Variants in POMT1 observed in about 807,000 individuals in gnomAD.
The protein encoded by POMT1 is protein O-mannosyl-transferase 1.
POMT1 carries 85 observed loss-of-function variants against 101.6 expected under a neutral mutation model. That is an observed-to-expected ratio of 0.84 (90% CI 0.70 to 1.00). POMT1 has a LOEUF of 1.00. Among genes scored for constraint, POMT1 ranks in the 50% least tolerant of loss-of-function variants. POMT1 has a pLI of 0.00. For missense variants in POMT1, 857 were observed against 930.4 expected (o/e 0.92, Z 1.03); for synonymous variants, 371 against 383.0 (o/e 0.97, Z 0.37).
intron 10 of POMT1, 150 bp from the exon 11 acceptor site, chr9:131,511,887 CATAA>C: frequency 1.3e-6 from 1 of 749,186 alleles, no homozygotes; most frequent in Admixed American, 2.3e-5. Context: ...TTCTTTTTCT[CATAA>C]ATAGACACAG....
rs767419371 is a variant in POMT1 at position 131,510,429 on chromosome 9, G to A, written c.855+14G>A. ...GCCAGCTTAGAGGTAAGTAAGCAGT[G>A]GGCATCGTGGCCACTGGAGAAGGAA... On this transcript the variant is annotated intron_variant, in intron 9 of 19. Transcript: ENST00000402686. 2 of 1,612,384 alleles carry A rather than the reference G, an allele frequency of 1.2e-6. No individual in the cohort carries two copies. Among genetic ancestry groups the A allele is most frequent in the East Asian group, 2.2e-5 (1 of 44,894 alleles).
intron 10 of POMT1, 32 bp from the exon 11 acceptor site, chr9:131,512,009 C>T (rs2131681666): frequency 6.2e-7 from 1 of 1,613,344 alleles, no homozygotes; most frequent in East Asian, 2.2e-5. Context: ...CCGCGCCTGG[C>T]CCAGATACAT....
Position 131,523,422 on chromosome 9 carries a change from G to A in POMT1, c.*316G>A. Reference sequence around the variant, plus strand: ...CCGAGAACCCAGGGCCAGCAGTGGAGCCTCAGCAGACCAGGGCCTGGTCCT... The same window carrying A: ...CCGAGAACCCAGGGCCAGCAGTGGAACCTCAGCAGACCAGGGCCTGGTCCT... On this transcript the variant is annotated 3_prime_UTR_variant, in exon 20 of 20. Coordinates refer to ENST00000402686, the MANE Select transcript of POMT1 (RefSeq NM_001077365.2). 2.6e-6 allele frequency: 1 copy of A among 385,532 alleles called. No homozygotes were observed. Among genetic ancestry groups the A allele is most frequent in the Non-Finnish European group, 5.0e-6 (1 of 201,630 alleles). 23.9% of individuals were successfully genotyped at this position (385,532 alleles called of 1,614,324 possible).
At position 131,504,254 on chromosome 9, in the gene POMT1, G is replaced by C. The variant is rs201262353; in HGVS notation, c.36G>C (p.Thr12=). ...TTTTGAAGCGCCCTGTAGTGGTGAC[G>C]GCTGACATCAACTTGAGCCTTGTGG... ...WGFLKRPVVV[T]ADINLSLVAL... Residue 12 remains threonine, a synonymous_variant, in exon 2 of 20, where the codon ACG becomes ACC. Coordinates refer to ENST00000402686, the MANE Select transcript of POMT1 (RefSeq NM_001077365.2). The C allele has an allele frequency of 6.2e-7, 1 of 1,614,170 alleles. No homozygotes were observed. The highest frequency in any genetic ancestry group is 8.5e-7 in the Non-Finnish European group (1 of 1,180,024).
At chr9:131,521,858 C>T (rs896967438) in intron 18 of POMT1, among the ~76,000 whole-genome samples, 189 bp from the exon 19 acceptor site, 8 of 152,176 alleles carry the variant, frequency 5.3e-5, no homozygotes, top group African/African-American at 1.9e-4. Context: ...GCAGCCAGGC[C>T]GGGCGCGGTG....
chr9:131,516,303 C>T (rs904538859), intron 13 of POMT1, among the ~76,000 whole-genome samples: 3 of 151,378 alleles, frequency 2.0e-5, no homozygotes, highest in Non-Finnish European at 4.4e-5. Context: ...GGAACACTTC[C>T]TCACACGGAG....
At chr9:131,508,584 A>G (rs1298709027) in intron 5 of POMT1, among the ~76,000 whole-genome samples, 3 of 152,170 alleles carry the variant, frequency 2.0e-5, no homozygotes, top group African/African-American at 7.2e-5. Context: ...CTATAGTCCC[A>G]GCTACTCAGG....
At chr9:131,507,312 C>A in intron 4 of POMT1, 56 bp from the exon 5 acceptor site, 12 of 1,612,448 alleles carry the variant, frequency 7.4e-6, no homozygotes, top group Non-Finnish European at 1.0e-5. Flanking sequence ...AGCTGCAGTA[C>A]ACAGAGATGG....
At chr9:131,517,848 C>T (rs1949045047) in intron 13 of POMT1, among the ~76,000 whole-genome samples, 1 of 152,216 alleles carries the variant, frequency 6.6e-6, no homozygotes, top group Non-Finnish European at 1.5e-5. Flanking sequence ...CGGCATGGAC[C>T]GCGGCCAGGC....
At chr9:131,508,861 C>A in intron 5 of POMT1, 50 bp from the exon 6 acceptor site, 1 of 1,312,876 alleles carries the variant, frequency 7.6e-7, no homozygotes, top group South Asian at 1.2e-5. Flanking sequence ...CATCCTCATA[C>A]GTTTTCCCTT....
rs72770165 is a variant in POMT1 at position 131,508,773 on chromosome 9, T to C, written c.428-138T>C. On this transcript the variant is annotated intron_variant, in intron 5 of 19. Coordinates refer to ENST00000402686, the MANE Select transcript of POMT1 (RefSeq NM_001077365.2). The stretch of plus-strand genomic sequence containing the variant: ...ATGACTGTATGAGGCCTTGTGTCTA[T>C]AGAATGTTTTAACATTCACAACAGC... 0.11 allele frequency: 72,769 copies of C among 692,448 alleles called. 4,567 individuals carry two copies. Among genetic ancestry groups the C allele is most frequent in the Middle Eastern group, 0.16 (470 of 2,960 alleles). 42.9% of individuals were successfully genotyped at this position (692,448 alleles called of 1,614,324 possible). A position where few individuals can be genotyped will look rare whatever the true frequency, so the allele number is the denominator to read the frequency against.
At chr9:131,511,976 G>A in intron 10 of POMT1, 65 bp from the exon 11 acceptor site, 1 of 1,573,708 alleles carries the variant, frequency 6.4e-7, no homozygotes. Context: ...CTCCCAAAGT[G>A]CTCTGATTAC....
In POMT1 at chr9:131,519,762, A is replaced by C. The variant is rs996441761; in HGVS notation, c.1584+276A>C. On this transcript the variant is annotated intron_variant, in intron 16 of 19. Transcript: ENST00000402686. This position sits in a 1 kb window ranked among gnomAD's most constrained non-coding sequence, Gnocchi z 4.3. ...AGGCCCCCAGGCAGCGAAATGGGCCACACTCAACAGAGCCCAAGAGAAGTC... is the reference window on the plus strand; with the variant it reads ...AGGCCCCCAGGCAGCGAAATGGGCCCCACTCAACAGAGCCCAAGAGAAGTC... 5.3e-5 allele frequency among the ~76,000 whole-genome samples: 8 copies of C among 152,194 alleles called. No homozygotes were observed. The highest frequency in any genetic ancestry group is 8.8e-5 in the Non-Finnish European group (6 of 68,032).
At position 131,523,096 on chromosome 9, in the gene POMT1, G is replaced by A. The variant is rs144051476; in HGVS notation, c.2168G>A (p.Arg723Gln). ...AAAGACAGCTGGGACATCTTGATCCGAAAACACTAGAACAAGAGTGTGGCA... is the reference window on the plus strand; with the variant it reads ...AAAGACAGCTGGGACATCTTGATCCAAAAACACTAGAACAAGAGTGTGGCA... Reference protein sequence around the residue: ...RWKDSWDILIRKH With the variant: ...RWKDSWDILIQKH The change falls in exon 20 of 20, where the codon CGA (arginine) becomes CAA (glutamine). Residue 723 changes from arginine to glutamine, a missense_variant. By Grantham distance (43) the Arg-to-Gln change is conservative. Transcript: ENST00000402686. 495 of 1,610,764 alleles carry A rather than the reference G, an allele frequency of 3.1e-4. No homozygotes were observed. The African/African-American group carries it at 4.5e-3, about 15-fold the overall frequency.
chr9:131,523,623 G>A lies in POMT1; in HGVS notation c.*517G>A. The A allele has an allele frequency of 4.8e-6, 1 of 207,874 alleles. No homozygotes were observed. The highest frequency in any genetic ancestry group is 8.5e-5 in the South Asian group (1 of 11,706). The allele number at this position is 207,874 out of a possible 1,614,324, so 12.9% of individuals were successfully genotyped here. On this transcript the variant is annotated 3_prime_UTR_variant, in exon 20 of 20. Transcript: ENST00000402686. ...CCAGGGCTGGGGCTTGCATGTCATTGTCTATGACAGCGTCAAGACTGGCCC... is the reference window on the plus strand; with the variant it reads ...CCAGGGCTGGGGCTTGCATGTCATTATCTATGACAGCGTCAAGACTGGCCC...
intron 13 of POMT1, 124 bp downstream of exon 13, chr9:131,515,646 C>CGGA (rs1362203951): frequency 1.1e-6 from 1 of 875,198 alleles, no homozygotes; most frequent in East Asian, 2.6e-5. Context: ...CTTCATCACA[C>CGGA]GGAGCACTTC....
In POMT1 at chr9:131,522,021, G is replaced by A. The variant is rs778310398; in HGVS notation, c.1826-26G>A. ...CCCGGCCTGTGGGAGCAGCAGAGTC[G>A]GTGTAGCTCGAGCCCTTTCCTATAG... On this transcript the variant is annotated intron_variant, in intron 18 of 19. Coordinates refer to ENST00000402686, the MANE Select transcript of POMT1 (RefSeq NM_001077365.2). This position sits in a 1 kb window ranked among gnomAD's most constrained non-coding sequence, Gnocchi z 5.5. 7.2e-5 allele frequency: 116 copies of A among 1,613,278 alleles called. No homozygotes were observed. Among genetic ancestry groups the A allele is most frequent in the Middle Eastern group, 1.6e-4 (1 of 6,082 alleles).
Position 131,503,467 on chromosome 9 carries a change from A to G in POMT1, c.-31+394A>G, listed in dbSNP as rs1319802165. Among the ~76,000 whole-genome samples the G allele has an allele frequency of 6.6e-6, 1 of 152,130 alleles. No individual in the cohort carries two copies. The highest frequency in any genetic ancestry group is 1.5e-5 in the Non-Finnish European group (1 of 68,018). Reference sequence around the variant, plus strand: ...GGGACCTTTTGGGACGAAGGCGCTCAAGGCAGATGCAGCTCAGGGAGGGAA... The same window carrying G: ...GGGACCTTTTGGGACGAAGGCGCTCGAGGCAGATGCAGCTCAGGGAGGGAA... On this transcript the variant is annotated intron_variant, in intron 1 of 19. Transcript: ENST00000402686. This position sits in a 1 kb window ranked among gnomAD's most constrained non-coding sequence, Gnocchi z 4.4.
chr9:131,520,292 G>A, intron 17 of POMT1, 99 bp downstream of exon 17: 1 of 1,104,854 alleles, frequency 9.1e-7, no homozygotes, highest in Admixed American at 1.9e-5. Context: ...AAAGTGCTGG[G>A]TTTCTCCCAA....
Sources: gnomAD v4.1 joint callset for allele counts (sites outside exome capture counted in the v4.1 genomes callset) on GRCh38, gnomAD v4.1.1 for gene constraint, Gnocchi (gnomAD v3.1) non-coding constraint, MANE v1.5 for transcripts, NCBI Gene and HGNC (gene_info 2026-07-23, HGNC 2026-07-21) for gene names.